The following MTUS1 variants were observed in gnomAD, a reference collection of about 807,000 sequenced individuals.
The protein encoded by MTUS1 is microtubule associated scaffold protein 1, also known as microtubule-associated tumor suppressor 1.
MTUS1 carries 109 observed loss-of-function variants against 120.8 expected under a neutral mutation model. The observed-to-expected ratio is 0.90, with a 90% CI of 0.77 to 1.06. The LOEUF (loss-of-function observed/expected upper bound fraction) is 1.06. Ranked by LOEUF, MTUS1 falls within the 50% of genes least tolerant of loss-of-function variation. The pLI, the probability that MTUS1 is intolerant of heterozygous loss-of-function variation, is 0.00. For synonymous variants in MTUS1, 737 were observed against 550.5 expected, an observed-to-expected ratio of 1.34 and a Z score of -4.74; for missense variants, 2,210 against 1,486.3, an observed-to-expected ratio of 1.49 and a Z score of -8.01.
intron 6 of MTUS1, among the ~76,000 whole-genome samples, chr8:17,701,944 A>C (rs1405161109): frequency 6.6e-6 from 1 of 152,240 alleles, no homozygotes; most frequent in Non-Finnish European, 1.5e-5. Context: ...TTAAACTTAA[A>C]AATTTCACAC....
At chr8:17,708,468 G>A (rs914801982) in intron 6 of MTUS1, among the ~76,000 whole-genome samples, 3 of 152,178 alleles carry the variant, frequency 2.0e-5, no homozygotes, top group African/African-American at 4.8e-5. Context: ...ACAAGGCTGT[G>A]GAGAAACAGG....
At position 17,755,820 on chromosome 8, in the gene MTUS1, C is replaced by T. The variant is rs770427680; in HGVS notation, c.-13G>A. 5 of 1,589,720 alleles carry T rather than the reference C, an allele frequency of 3.1e-6. No individual in the cohort carries two copies. ...TATCATCAGTCATCCTGAATAGTAA[C>T]CTTAAACCTCTGCCATTTTATTTCT... is the stretch of plus-strand genomic sequence containing the variant. On this transcript the variant is annotated 5_prime_UTR_variant, in exon 2 of 15. Coordinates refer to ENST00000693296, the MANE Select transcript of MTUS1 (RefSeq NM_001363059.2).
In MTUS1 at chr8:17,742,311, T is replaced by A. The variant is rs866626611; in HGVS notation, c.2287+1293A>T. Among the ~76,000 whole-genome samples, 1,135 of 139,254 alleles carry A rather than the reference T, an allele frequency of 8.2e-3. 38 individuals carry two copies. The highest frequency in any genetic ancestry group is 0.035 in the East Asian group (144 of 4,070). The allele number at this position is 139,254 out of a possible 152,430, so 91.4% of individuals were successfully genotyped here. A position where few individuals can be genotyped will look rare whatever the true frequency, so the allele number is the denominator to read the frequency against. On this transcript the variant is annotated intron_variant, in intron 3 of 14. Transcript: ENST00000693296. ...TTGTTGTTTTTTTTTTTTTTTTTTT[T>A]AGAGATAGTGTCTTGCTATGTTGCC... is the stretch of plus-strand genomic sequence containing the variant.
In MTUS1 at chr8:17,715,952, G is replaced by A. The variant is rs1171729105; in HGVS notation, c.2450-51C>T. The A allele has an allele frequency of 3.2e-6, 5 of 1,543,292 alleles. 1 individual carries two copies. The South Asian group carries it at 3.6e-5, about 11-fold the overall frequency. On this transcript the variant is annotated intron_variant, in intron 4 of 14. Coordinates refer to ENST00000693296, the MANE Select transcript of MTUS1 (RefSeq NM_001363059.2). ...TTATTGTATAGATAAACACAGTTTC[G>A]ACCTTCCACATTTATTCCTTTGTCC...
At position 17,754,553 on chromosome 8, in the gene MTUS1, C is replaced by A. The variant is rs766404750; in HGVS notation, c.1255G>T (p.Val419Phe). Reference sequence around the variant, plus strand: ...CACATCGTTTTGTCTGTGCTAATGACCATATCATTTGCATCCCAAGTCAGT... The same window carrying A: ...CACATCGTTTTGTCTGTGCTAATGAACATATCATTTGCATCCCAAGTCAGT... Reference protein sequence around the residue: ...FGLTWDANDMVISTDKTMCMS... With the variant: ...FGLTWDANDMFISTDKTMCMS... The change falls in exon 2 of 15, where the codon GTC becomes TTC. Residue 419 changes from valine to phenylalanine, a missense_variant. Physicochemically the swap from Val to Phe is conservative, Grantham distance 50. Coordinates refer to ENST00000693296, the MANE Select transcript of MTUS1 (RefSeq NM_001363059.2). 1 of 1,614,186 alleles carries A rather than the reference C, an allele frequency of 6.2e-7. No individual in the cohort carries two copies. The highest frequency in any genetic ancestry group is 1.1e-5 in the South Asian group (1 of 91,080).
intron 8 of MTUS1, chr8:17,674,914 T>C (rs987198393): frequency 4.0e-6 from 5 of 1,237,890 alleles, no homozygotes; most frequent in Non-Finnish European, 5.0e-6. Flanking sequence ...ATTACAAAAA[T>C]AACTCTGTCC....
chr8:17,732,451 C>T (rs6586639), intron 3 of MTUS1, among the ~76,000 whole-genome samples: 94,792 of 152,064 alleles, frequency 0.62, 30,037 homozygotes, highest in Middle Eastern at 0.8. Flanking sequence ...CTTCTTGACT[C>T]TGGAGAGTCC....
chr8:17,663,136 C>A (rs1456297747), intron 8 of MTUS1, among the ~76,000 whole-genome samples: 1 of 152,166 alleles, frequency 6.6e-6, no homozygotes, highest in Non-Finnish European at 1.5e-5. Flanking sequence ...GTGGAAAATG[C>A]CCAGTGCCAC....
chr8:17,722,314 G>T, intron 4 of MTUS1: 1 of 971,130 alleles, frequency 1.0e-6, no homozygotes, highest in Non-Finnish European at 1.2e-6. Context: ...AAATTCTGTT[G>T]CCACAACAGT....
intron 4 of MTUS1, chr8:17,722,517 G>A: frequency 3.0e-6 from 3 of 985,148 alleles, no homozygotes; most frequent in Non-Finnish European, 2.4e-6. Context: ...CTGTTTAATT[G>A]CAAGTCACAT....
chr8:17,649,094 C>T (rs1053170961), intron 13 of MTUS1, among the ~76,000 whole-genome samples: 5 of 82,798 alleles, frequency 6.0e-5, no homozygotes, highest in African/African-American at 2.1e-4. Flanking sequence ...TATTATAGCA[C>T]AATTTTTTTT....
At position 17,754,602 on chromosome 8, in the gene MTUS1, T is replaced by C. The variant is rs774632593; in HGVS notation, c.1206A>G (p.Gly402=). 1 of 1,614,218 alleles carries C rather than the reference T, an allele frequency of 6.2e-7. No individual in the cohort carries two copies. The highest frequency in any genetic ancestry group is 1.3e-5 in the African/African-American group (1 of 75,060). The change falls in exon 2 of 15, where the codon GGA becomes GGG. Residue 402 remains glycine, a synonymous_variant. Coordinates refer to ENST00000693296, the MANE Select transcript of MTUS1 (RefSeq NM_001363059.2). ...GTCCAAATGACGAGCCCACCTTTTG[T>C]CCTGGCGGGCTACTTAGAATCAATT... ...TSELILSSPP[G]QKVGSSFGLT...
At chr8:17,668,551 G>C (rs771113175) in intron 8 of MTUS1, among the ~76,000 whole-genome samples, 68 of 152,176 alleles carry the variant, frequency 4.5e-4, no homozygotes, top group Non-Finnish European at 5.9e-5. Context: ...AACTGGGATT[G>C]TCGGACATAA....
intron 6 of MTUS1, chr8:17,697,638 TC>T (rs1818251158): frequency 8.2e-7 from 1 of 1,212,696 alleles, no homozygotes; most frequent in Non-Finnish European, 1.0e-6. Flanking sequence ...CTCCTGCAGG[TC>T]TAGAAGCTGC....
intron 6 of MTUS1, among the ~76,000 whole-genome samples, chr8:17,685,749 T>A (rs776582214): frequency 2.6e-5 from 4 of 152,216 alleles, no homozygotes; most frequent in Non-Finnish European, 4.4e-5. Context: ...ATAAGTCATA[T>A]TTGTATTAAT....
chr8:17,749,357 T>G (rs112213644), intron 2 of MTUS1, among the ~76,000 whole-genome samples: 1 of 152,184 alleles, frequency 6.6e-6, no homozygotes, highest in East Asian at 1.9e-4. Flanking sequence ...TTGAACCAAC[T>G]GCCAATTAGA....
chr8:17,742,269 G>GTTTTTTTTTTTTTTTTTTTTTTT (rs1210338239), intron 3 of MTUS1, among the ~76,000 whole-genome samples: 2 of 94,900 alleles, frequency 2.1e-5, no homozygotes, highest in African/African-American at 8.6e-5. Flanking sequence ...ATGCCCAGCT[G>GTTTTTTTTTTTTTTTTTTTTTTT]TTTTTTTTTT....
At chr8:17,646,391 C>A (rs1259634157) in intron 14 of MTUS1, among the ~76,000 whole-genome samples, 1 of 151,978 alleles carries the variant, frequency 6.6e-6, no homozygotes, top group African/African-American at 2.4e-5. Flanking sequence ...AGTTCAAGAT[C>A]AACTTGGGCA....
chr8:17,793,953 A>G (rs2052008153), intron 1 of MTUS1, among the ~76,000 whole-genome samples: 1 of 152,206 alleles, frequency 6.6e-6, no homozygotes, highest in Admixed American at 6.5e-5. Flanking sequence ...TCCTCCAAGA[A>G]AAGAGGTCAA....
Sources: allele counts gnomAD v4.1 joint callset (sites outside exome capture counted in the v4.1 genomes callset), GRCh38; gene constraint gnomAD v4.1.1; transcripts MANE v1.5; gene names NCBI Gene and HGNC (gene_info 2026-07-23, HGNC 2026-07-21).